Variants in SCN7A observed in about 807,000 individuals in gnomAD.
SCN7A encodes sodium channel protein type 7 subunit alpha.
In SCN7A, 138 loss-of-function variants were observed where a neutral mutation model predicts 155.2. The observed-to-expected ratio is 0.89, with a 90% CI of 0.77 to 1.02. The LOEUF is 1.02. Among genes scored for constraint, SCN7A ranks in the 50% least tolerant of loss-of-function variants. SCN7A has a pLI of 0.00. For missense variants in SCN7A, 2,058 were observed against 1,986.6 expected, an observed-to-expected ratio of 1.04 and a Z score of -0.68; for synonymous variants, 693 against 649.0, an observed-to-expected ratio of 1.07 and a Z score of -1.03.
At chr2:166,448,318 A>T (rs1702108834) in intron 11 of SCN7A, among the ~76,000 whole-genome samples, 2 of 152,152 alleles carry the variant, frequency 1.3e-5, no homozygotes, top group Admixed American at 1.3e-4. Context: ...ATAATACTCC[A>T]TTGTGTATAT....
At chr2:166,415,108 C>A (rs367630204) in intron 21 of SCN7A, among the ~76,000 whole-genome samples, 2 of 148,150 alleles carry the variant, frequency 1.3e-5, no homozygotes, top group African/African-American at 5.0e-5. Flanking sequence ...ACCCTATAAC[C>A]TGATCAGTGG....
chr2:166,431,636 T>G (rs546627940), intron 16 of SCN7A, among the ~76,000 whole-genome samples: 1 of 152,050 alleles, frequency 6.6e-6, no homozygotes, highest in South Asian at 2.1e-4. Flanking sequence ...TCCAGTAGGG[T>G]GTATATTTTA....
chr2:166,470,451 T>C (rs1702628342), intron 7 of SCN7A, among the ~76,000 whole-genome samples, 164 bp downstream of exon 7: 3 of 151,892 alleles, frequency 2.0e-5, no homozygotes, highest in African/African-American at 7.2e-5. Flanking sequence ...ACGTTTTTTC[T>C]TCTCTTTCCT....
chr2:166,433,906 AG>A (rs1701783923), intron 15 of SCN7A, among the ~76,000 whole-genome samples: 1 of 152,184 alleles, frequency 6.6e-6, no homozygotes, highest in Admixed American at 6.6e-5. Flanking sequence ...TTTAACTCAA[AG>A]ATAGTGTATA....
At chr2:166,470,442 C>T (rs887986458) in intron 7 of SCN7A, among the ~76,000 whole-genome samples, 173 bp downstream of exon 7, 15 of 151,696 alleles carry the variant, frequency 9.9e-5, no homozygotes, top group African/African-American at 2.9e-4. Flanking sequence ...AGTCAATGTA[C>T]GTTTTTTCTT....
Position 166,465,513 on chromosome 2 carries a change from T to A in SCN7A, c.890A>T (p.Tyr297Phe), listed in dbSNP as rs775607225. 2 of 1,604,132 alleles carry A rather than the reference T, an allele frequency of 1.2e-6. No homozygotes were observed. Among genetic ancestry groups the A allele is most frequent in the Non-Finnish European group, 8.5e-7 (1 of 1,174,612 alleles). ...GAGAGCATATCTTTCTCCTTCCAAATAATAAAAGTTTTCTGTTTCTGAAAA... is the reference window on the plus strand; with the variant it reads ...GAGAGCATATCTTTCTCCTTCCAAAAAATAAAAGTTTTCTGTTTCTGAAAA... ...YYIRETENFY[Y>F]LEGERYALLC... is the part of the protein sequence containing the mutation. The change falls in exon 9 of 26, where the codon TAT (tyrosine) becomes TTT (phenylalanine). Residue 297 changes from tyrosine to phenylalanine, a missense_variant. Coordinates refer to ENST00000643258, the MANE Select transcript of SCN7A (RefSeq NM_002976.4).
Position 166,474,234 on chromosome 2 carries a change from C to A in SCN7A, c.345G>T (p.Leu115Phe). Residue 115 changes from leucine (L) to phenylalanine (F), a missense_variant, in exon 4 of 26, where the codon TTG becomes TTT. By Grantham distance (22) the Leu-to-Phe change is conservative. Coordinates refer to ENST00000643258, the MANE Select transcript of SCN7A (RefSeq NM_002976.4). ...TCAACAGAAAAGGATATGGATGTAC[C>A]AAAACCTTGATAGTTGTTCTTCTAA... ...NCIRRTTIKV[L>F]VHPFFQLFIL... 1 of 1,475,968 alleles carries A rather than the reference C, an allele frequency of 6.8e-7. No homozygotes were observed. Among genetic ancestry groups the A allele is most frequent in the East Asian group, 2.6e-5 (1 of 38,914 alleles). 91.4% of individuals were successfully genotyped at this position (1,475,968 alleles called of 1,614,324 possible). A position where few individuals can be genotyped will look rare whatever the true frequency, so the allele number is the denominator to read the frequency against.
intron 13 of SCN7A, among the ~76,000 whole-genome samples, chr2:166,444,173 A>G (rs1702014882): frequency 6.6e-6 from 1 of 152,192 alleles, no homozygotes; most frequent in African/African-American, 2.4e-5. Context: ...AACAACAACA[A>G]TGGTGAAAGA....
intron 15 of SCN7A, among the ~76,000 whole-genome samples, chr2:166,440,389 A>G (rs910641529): frequency 1.3e-5 from 2 of 152,170 alleles, no homozygotes; most frequent in Non-Finnish European, 2.9e-5. Context: ...CAGTGTTACA[A>G]TGTAGATTAC....
Position 166,470,669 on chromosome 2 carries a change from T to C in SCN7A, c.610A>G (p.Thr204Ala), listed in dbSNP as rs1271297759. 3.1e-6 allele frequency: 5 copies of C among 1,609,368 alleles called. No homozygotes were observed. The highest frequency in any genetic ancestry group is 1.3e-5 in the African/African-American group (1 of 74,836). Residue 204 changes from threonine to alanine, a missense_variant, in exon 7 of 26, where the codon ACG becomes GCG. Physicochemically the swap from Thr to Ala is moderately conservative, Grantham distance 58. Coordinates refer to ENST00000643258, the MANE Select transcript of SCN7A (RefSeq NM_002976.4). ...CTCAAAGTTCTTGCAGTTTGAAGCG[T>C]TGGAATGAAGTCCAGAGGTGAGTAT... ...IRYSPLDFIP[T>A]LQTARTLRIL...
chr2:166,439,001 T>G (rs1364697599), intron 15 of SCN7A, among the ~76,000 whole-genome samples: 3 of 145,916 alleles, frequency 2.1e-5, no homozygotes, highest in Non-Finnish European at 3.0e-5. Context: ...ATATGTTATA[T>G]CATACATATA....
chr2:166,421,214 A>G lies in SCN7A; in HGVS notation c.3111T>C (p.Val1037=). The G allele has an allele frequency of 6.5e-7, 1 of 1,530,622 alleles. No homozygotes were observed. Among genetic ancestry groups the G allele is most frequent in the Non-Finnish European group, 8.8e-7 (1 of 1,140,406 alleles). 94.8% of individuals were successfully genotyped at this position (1,530,622 alleles called of 1,614,324 possible). The change falls in exon 20 of 26, where the codon GTT becomes GTC. Residue 1037 remains valine, a synonymous_variant. Transcript: ENST00000643258. The part of the protein sequence containing the change: ...ISMKFLRPLR[V]LSQFERMKVV... Reference sequence around the variant, plus strand: ...CCTTCATTCTTTCAAATTGAGATAGAACTCTGAGGGGCCGAAGGAATTTCA... The same window carrying G: ...CCTTCATTCTTTCAAATTGAGATAGGACTCTGAGGGGCCGAAGGAATTTCA...
At chr2:166,408,694 A>T (rs1701129859) in intron 25 of SCN7A, among the ~76,000 whole-genome samples, 1 of 151,818 alleles carries the variant, frequency 6.6e-6, no homozygotes, top group African/African-American at 2.4e-5. Context: ...TCCACTATCA[A>T]CTGAATGAGT....
intron 1 of SCN7A, among the ~76,000 whole-genome samples, chr2:166,489,924 T>C (rs367835361): frequency 2.0e-5 from 3 of 152,204 alleles, no homozygotes; most frequent in East Asian, 1.9e-4. Context: ...TGCACTGCCA[T>C]TTTAAAAAAT....
rs906964387 is a variant in SCN7A, at chr2:166,479,547, T to C, written c.-14-1837A>G. On this transcript the variant is annotated intron_variant, in intron 2 of 25. Coordinates refer to ENST00000643258, the MANE Select transcript of SCN7A (RefSeq NM_002976.4). ...TTTCTGGGTTTTGCTTTGCTTTTCA[T>C]GTCTGCCGCATTCTACTTAAAGAAT... Among the ~76,000 whole-genome samples the C allele has an allele frequency of 2.0e-5, 3 of 151,840 alleles. No homozygotes were observed. In the South Asian group the frequency reaches 6.2e-4, roughly 31 times the overall value.
intron 18 of SCN7A, among the ~76,000 whole-genome samples, chr2:166,425,689 C>G (rs368702180): frequency 2.0e-5 from 3 of 152,158 alleles, no homozygotes; most frequent in East Asian, 1.9e-4. Flanking sequence ...CTCACATCAC[C>G]TTCTTTTCTG....
chr2:166,409,461 C>T (rs1468355140), intron 25 of SCN7A, among the ~76,000 whole-genome samples: 1 of 151,794 alleles, frequency 6.6e-6, no homozygotes, highest in Non-Finnish European at 1.5e-5. Flanking sequence ...AACATCTTAT[C>T]TCTATTAGGC....
At position 166,443,520 on chromosome 2, in the gene SCN7A, G is replaced by A. The variant is rs1052994456; in HGVS notation, c.1783C>T (p.Leu595Phe). The change falls in exon 14 of 26, where the codon CTT becomes TTT. Residue 595 changes from leucine to phenylalanine, a missense_variant. Coordinates refer to ENST00000643258, the MANE Select transcript of SCN7A (RefSeq NM_002976.4). Reference sequence around the variant, plus strand: ...CTACTTACCATCCTGAATAATCGAAGAAGAGCCATTCCTGCAACATTTGCT... The same window carrying A: ...CTACTTACCATCCTGAATAATCGAAAAAGAGCCATTCCTGCAACATTTGCT... The part of the protein sequence containing the change: ...CLANVAGMAL[L>F]RLFRMLRIFK... 18 of 1,594,078 alleles carry A rather than the reference G, an allele frequency of 1.1e-5. No individual in the cohort carries two copies. Among genetic ancestry groups the A allele is most frequent in the Non-Finnish European group, 1.5e-5 (17 of 1,170,924 alleles).
chr2:166,414,361 C>T (rs1424102628), intron 21 of SCN7A: 2 of 121,310 alleles, frequency 1.6e-5, no homozygotes, highest in African/African-American at 6.4e-5. Flanking sequence ...GTAAATTTAA[C>T]AGAGGAAATA....
Sources: gnomAD v4.1 joint callset for allele counts (sites outside exome capture counted in the v4.1 genomes callset) on GRCh38, gnomAD v4.1.1 for gene constraint, MANE v1.5 for transcripts, NCBI Gene and HGNC (gene_info 2026-07-23, HGNC 2026-07-21) for gene names.